The following CACFD1 variants were observed in gnomAD, a reference collection of about 807,000 sequenced individuals.
CACFD1 encodes the protein calcium channel flower domain containing 1.
In CACFD1, 26 loss-of-function variants were observed where a neutral mutation model predicts 21.3. The observed-to-expected ratio is 1.22, with a 90% CI of 0.89 to 1.69. The LOEUF is 1.69. CACFD1 is among the 40% of genes most tolerant of loss of function. The pLI, the probability that CACFD1 is intolerant of heterozygous loss-of-function variation, is 0.00. For missense variants in CACFD1, 265 were observed against 236.2 expected, an observed-to-expected ratio of 1.12 and a Z score of -0.80; for synonymous variants, 121 against 106.6, an observed-to-expected ratio of 1.13 and a Z score of -0.83.
intron 1 of CACFD1, chr9:133,462,298 A>G (rs996823670): frequency 7.7e-7 from 1 of 1,302,392 alleles, no homozygotes; most frequent in Non-Finnish European, 1.0e-6. Context: ...GCCCCTGTGT[A>G]CCTGTGGTTC....
At chr9:133,460,463 C>CGGG (rs1285127389) in intron 1 of CACFD1, among the ~76,000 whole-genome samples, 1 of 53,426 alleles carries the variant, frequency 1.9e-5, no homozygotes, top group Admixed American at 2.1e-4. Context: ...AACCCCAGGG[C>CGGG]GGGGGGGCGG....
intron 1 of CACFD1, among the ~76,000 whole-genome samples, chr9:133,460,465 G>GCGGGGCGGC (rs1554798172): frequency 7.7e-6 from 1 of 130,448 alleles, no homozygotes; most frequent in South Asian, 2.4e-4. Flanking sequence ...CCCCAGGGCG[G>GCGGGGCGGC]GGGGGCGGCG....
At chr9:133,466,054 T>C (rs1843423721) in intron 3 of CACFD1, among the ~76,000 whole-genome samples, 1 of 152,224 alleles carries the variant, frequency 6.6e-6, no homozygotes, top group East Asian at 1.9e-4. Context: ...CTGTATTCAT[T>C]ATTGTCTAGG....
At chr9:133,466,436 T>C (rs950816925) in intron 3 of CACFD1, among the ~76,000 whole-genome samples, 2 of 152,348 alleles carry the variant, frequency 1.3e-5, no homozygotes, top group Admixed American at 1.3e-4. Flanking sequence ...GTATCCTGCC[T>C]TTTTTCACTT....
chr9:133,468,671 C>T lies in CACFD1; in HGVS notation c.*18C>T, dbSNP rs1040288710. On this transcript the variant is annotated 3_prime_UTR_variant, in exon 5 of 5. Coordinates refer to ENST00000316948, the MANE Select transcript of CACFD1 (RefSeq NM_017586.5). ...AGCTGTGAAGGGCTGGGCGCCCCTC[C>T]CTCCCTGTCCCCTCTTCTGGCTCTG... 24 of 1,552,548 alleles carry T rather than the reference C, an allele frequency of 1.5e-5. No homozygotes were observed. Among genetic ancestry groups the T allele is most frequent in the African/African-American group, 2.7e-5 (2 of 74,094 alleles).
chr9:133,460,459 AGGGCGGGGGGGCGGCGG>A (rs1318403735), intron 1 of CACFD1, among the ~76,000 whole-genome samples: 8 of 69,824 alleles, frequency 1.1e-4, no homozygotes, highest in Middle Eastern at 7.6e-3. Context: ...CAGAAACCCC[AGGGCGGGGGGGCGGCGG>A]GGGCGGGGGT....
In CACFD1 at chr9:133,460,206, A is replaced by G. The variant is rs1843081638; in HGVS notation, c.121+19A>G. 3.3e-6 allele frequency: 5 copies of G among 1,517,872 alleles called. No individual in the cohort carries two copies. The highest frequency in any genetic ancestry group is 1.4e-5 in the African/African-American group (1 of 69,534). The allele number at this position is 1,517,872 out of a possible 1,614,324, so 94.0% of individuals were successfully genotyped here. ...GCAGTCTGTGAGTATCCAGTCGGGGAGAGGGGCCGGCCCCGCCGCGCATGC... is the reference window on the plus strand; with the variant it reads ...GCAGTCTGTGAGTATCCAGTCGGGGGGAGGGGCCGGCCCCGCCGCGCATGC... On this transcript the variant is annotated intron_variant, in intron 1 of 4. Transcript: ENST00000316948.
Position 133,460,016 on chromosome 9 carries a change from C to A in CACFD1, c.-51C>A, listed in dbSNP as rs782801031. 17 of 1,480,044 alleles carry A rather than the reference C, an allele frequency of 1.1e-5. No individual in the cohort carries two copies. The highest frequency in any genetic ancestry group is 2.7e-5 in the East Asian group (1 of 36,696). The allele number at this position is 1,480,044 out of a possible 1,614,324, so 91.7% of individuals were successfully genotyped here. A position where few individuals can be genotyped will look rare whatever the true frequency, so the allele number is the denominator to read the frequency against. On this transcript the variant is annotated 5_prime_UTR_variant, in exon 1 of 5. Coordinates refer to ENST00000316948, the MANE Select transcript of CACFD1 (RefSeq NM_017586.5). ...GGCAGCGCGCCGGCTCGGACGCGGCCGGCTACCGAGCCCTTTGTGAGGGCT... is the reference window on the plus strand; with the variant it reads ...GGCAGCGCGCCGGCTCGGACGCGGCAGGCTACCGAGCCCTTTGTGAGGGCT...
intron 3 of CACFD1, among the ~76,000 whole-genome samples, chr9:133,466,830 A>G (rs1339126742): frequency 2.7e-5 from 4 of 150,636 alleles, no homozygotes; most frequent in Non-Finnish European, 5.9e-5. Context: ...TTTCCATTGC[A>G]TTTTCTGATA....
rs934784916 is a variant in CACFD1, at chr9:133,460,130, G to A, written c.64G>A (p.Gly22Ser). 3.2e-6 allele frequency: 5 copies of A among 1,561,652 alleles called. No individual in the cohort carries two copies. Among genetic ancestry groups the A allele is most frequent in the East Asian group, 4.8e-5 (2 of 41,682 alleles). Residue 22 changes from glycine (G) to serine (S), a missense_variant, in exon 1 of 5, where the codon GGC becomes AGC. Physicochemically the swap from Gly to Ser is moderately conservative, Grantham distance 56. Coordinates refer to ENST00000316948, the MANE Select transcript of CACFD1 (RefSeq NM_017586.5). ...CTCTGCGCCGCCCGCGCAGGAAGAG[G>A]GCATGACGTGGTGGTACCGCTGGCT... ...ASSAPPAQEE[G>S]MTWWYRWLCR...
Position 133,460,114 on chromosome 9 carries a change from G to T in CACFD1, c.48G>T (p.Pro16=). 2 of 1,563,088 alleles carry T rather than the reference G, an allele frequency of 1.3e-6. No individual in the cohort carries two copies. The highest frequency in any genetic ancestry group is 1.7e-6 in the Non-Finnish European group (2 of 1,153,296). The part of the protein sequence containing the change: ...GAPGASASSA[P]PAQEEGMTWW... Reference sequence around the variant, plus strand: ...CCGGGGCGTCCGCCAGCTCTGCGCCGCCCGCGCAGGAAGAGGGCATGACGT... The same window carrying T: ...CCGGGGCGTCCGCCAGCTCTGCGCCTCCCGCGCAGGAAGAGGGCATGACGT... The change falls in exon 1 of 5, where the codon CCG becomes CCT. Residue 16 remains proline, a synonymous_variant. Transcript: ENST00000316948.
chr9:133,468,733 G>C lies in CACFD1; in HGVS notation c.*80G>C. On this transcript the variant is annotated 3_prime_UTR_variant, in exon 5 of 5. Coordinates refer to ENST00000316948, the MANE Select transcript of CACFD1 (RefSeq NM_017586.5). ...GTGAGGCCTGGACTGTCCACGCTGAGGCACAGCCTGGAGAGGGGCCTTTGC... is the reference window on the plus strand; with the variant it reads ...GTGAGGCCTGGACTGTCCACGCTGACGCACAGCCTGGAGAGGGGCCTTTGC... 1 of 1,471,428 alleles carries C rather than the reference G, an allele frequency of 6.8e-7. No homozygotes were observed. 91.1% of individuals were successfully genotyped at this position (1,471,428 alleles called of 1,614,324 possible). A position where few individuals can be genotyped will look rare whatever the true frequency, so the allele number is the denominator to read the frequency against.
At chr9:133,462,394 C>T (rs1843258369) in intron 1 of CACFD1, among the ~76,000 whole-genome samples, 1 of 152,200 alleles carries the variant, frequency 6.6e-6, no homozygotes, top group Non-Finnish European at 1.5e-5. Flanking sequence ...TAGAAGGAGA[C>T]CCTGGGGGCC....
rs78049026 is a variant in CACFD1, at chr9:133,463,714, C to A, written c.194+159C>A. Among the ~76,000 whole-genome samples, 305 of 152,358 alleles carry A rather than the reference C, an allele frequency of 2.0e-3. 2 individuals are homozygous for A. Among genetic ancestry groups the A allele is most frequent in the Middle Eastern group, 6.8e-3 (2 of 294 alleles). ...CTGGGTGCCTCGGGCATGTGAGTTT[C>A]TGGCCACAGCATGCGGCTTCTTCCC... is the stretch of plus-strand genomic sequence containing the variant. On this transcript the variant is annotated intron_variant, in intron 2 of 4. Transcript: ENST00000316948.
chr9:133,460,090 C>G lies in CACFD1; in HGVS notation c.24C>G (p.Pro8=), dbSNP rs782142347. 3.8e-6 allele frequency: 6 copies of G among 1,562,374 alleles called. No individual in the cohort carries two copies. In the East Asian group the frequency reaches 1.4e-4, roughly 38 times the overall value. ...CCATGAGCAGCTCAGGTGGGGCGCC[C>G]GGGGCGTCCGCCAGCTCTGCGCCGC... is the stretch of plus-strand genomic sequence containing the variant. MSSSGGA[P]GASASSAPPA... Residue 8 remains proline (P), a synonymous_variant, in exon 1 of 5, where the codon CCC becomes CCG. Transcript: ENST00000316948.
In CACFD1 at chr9:133,465,376, C is replaced by T. The variant is rs782335048; in HGVS notation, c.249C>T (p.Ile83=). The change falls in exon 3 of 5, where the codon ATC becomes ATT. Residue 83 remains isoleucine (I), a synonymous_variant. Coordinates refer to ENST00000316948, the MANE Select transcript of CACFD1 (RefSeq NM_017586.5). This position sits in a 1 kb window ranked among gnomAD's most constrained non-coding sequence, Gnocchi z 5.0. ...LCEAPFCCQF[I]EFANTVAEKV... ...AGGCGCCCTTCTGCTGCCAGTTCATCGAGTTTGCAAACACAGTGGCGGAGA... is the reference window on the plus strand; with the variant it reads ...AGGCGCCCTTCTGCTGCCAGTTCATTGAGTTTGCAAACACAGTGGCGGAGA... The T allele has an allele frequency of 9.3e-6, 15 of 1,613,900 alleles. No individual in the cohort carries two copies. Among genetic ancestry groups the T allele is most frequent in the African/African-American group, 8.0e-5 (6 of 74,924 alleles).
chr9:133,468,456 T>G, intron 4 of CACFD1, 107 bp from the exon 5 acceptor site: 1 of 1,537,020 alleles, frequency 6.5e-7, no homozygotes, highest in Non-Finnish European at 8.7e-7. Context: ...GAAATCAGAA[T>G]GCCTGCAGGT....
chr9:133,462,253 G>A lies in CACFD1; in HGVS notation c.122-1230G>A, dbSNP rs989541102. The A allele has an allele frequency of 1.6e-5, 21 of 1,304,104 alleles. No homozygotes were observed. In the African/African-American group the frequency reaches 2.3e-4, roughly 14 times the overall value. 80.8% of individuals were successfully genotyped at this position (1,304,104 alleles called of 1,614,324 possible). On this transcript the variant is annotated intron_variant, in intron 1 of 4. Coordinates refer to ENST00000316948, the MANE Select transcript of CACFD1 (RefSeq NM_017586.5). ...AGGCACAGCAGAGAGGCAGGGAGCC[G>A]TGTCACCCTTTGGGCACTCTGCTAG...
At chr9:133,460,548 A>G (rs1843154151) in intron 1 of CACFD1, among the ~76,000 whole-genome samples, 1 of 134,088 alleles carries the variant, frequency 7.5e-6, no homozygotes, top group Non-Finnish European at 1.7e-5. Context: ...CTTTTGTGAG[A>G]CTTTCTCGGT....
Sources: gnomAD v4.1 joint callset for allele counts (sites outside exome capture counted in the v4.1 genomes callset) on GRCh38, gnomAD v4.1.1 for gene constraint, Gnocchi (gnomAD v3.1) non-coding constraint, MANE v1.5 for transcripts, NCBI Gene and HGNC (gene_info 2026-07-23, HGNC 2026-07-21) for gene names.